Variants in PPFIBP1 observed in about 807,000 individuals in gnomAD.
PPFIBP1 encodes PPFIB scaffold protein 1, also known as liprin-beta-1.
Under a neutral mutation model 137.8 loss-of-function variants are expected in PPFIBP1, and 112 were observed. That is an observed-to-expected ratio of 0.81 (90% CI 0.70 to 0.95). PPFIBP1 has a LOEUF of 0.95. PPFIBP1 is among the 40% of genes least tolerant of loss of function. PPFIBP1 has a pLI of 0.00. For missense variants in PPFIBP1, 1,083 were observed against 1,196.6 expected (o/e 0.91, Z 1.40); for synonymous variants, 378 against 417.3 (o/e 0.91, Z 1.15).
intron 2 of PPFIBP1, among the ~76,000 whole-genome samples, chr12:27,616,915 A>C (rs138858001): frequency 0.022 from 3,409 of 152,298 alleles, 324 homozygotes; most frequent in Admixed American, 0.17. Flanking sequence ...GAAATGTGAC[A>C]GGGAGGGAAC....
intron 27 of PPFIBP1, among the ~76,000 whole-genome samples, chr12:27,689,541 A>C (rs1327790756): frequency 6.6e-6 from 1 of 152,184 alleles, no homozygotes; most frequent in Non-Finnish European, 1.5e-5. Flanking sequence ...CCAAAAACCA[A>C]GGCACAGCGG....
intron 13 of PPFIBP1, among the ~76,000 whole-genome samples, chr12:27,669,187 C>G (rs4931247): frequency 0.8 from 121,688 of 152,162 alleles, 48,970 homozygotes; most frequent in East Asian, 0.9. Context: ...AATTTGAATG[C>G]AATGAAAATG....
intron 1 of PPFIBP1, among the ~76,000 whole-genome samples, chr12:27,524,699 T>C (rs1347662568): frequency 6.6e-6 from 1 of 152,064 alleles, no homozygotes; most frequent in East Asian, 1.9e-4. Context: ...CTGTGTGTAT[T>C]GAGGCATTTA....
At chr12:27,657,384 A>G (rs2059270761) in intron 9 of PPFIBP1, among the ~76,000 whole-genome samples, 1 of 151,848 alleles carries the variant, frequency 6.6e-6, no homozygotes, top group African/African-American at 2.4e-5. Context: ...ATTTGGAAAT[A>G]TAATGTGCAT....
chr12:27,563,120 A>G (rs961166929), intron 1 of PPFIBP1, among the ~76,000 whole-genome samples: 1 of 151,390 alleles, frequency 6.6e-6, no homozygotes, highest in South Asian at 2.1e-4. Flanking sequence ...GGTGGGCCGT[A>G]TGTAAATAAT....
intron 4 of PPFIBP1, among the ~76,000 whole-genome samples, chr12:27,640,594 C>T (rs1264632324): frequency 7.0e-6 from 1 of 142,300 alleles, no homozygotes; most frequent in African/African-American, 2.5e-5. Context: ...CGCCCCCCAC[C>T]CCCGGGTTGC....
chr12:27,559,433 C>T (rs1592461062), intron 1 of PPFIBP1, among the ~76,000 whole-genome samples: 1 of 152,192 alleles, frequency 6.6e-6, no homozygotes, highest in Non-Finnish European at 1.5e-5. Flanking sequence ...TCCCAAAGTG[C>T]TGGGATTACA....
At chr12:27,590,287 G>A (rs781477015) in intron 2 of PPFIBP1, among the ~76,000 whole-genome samples, 6 of 151,676 alleles carry the variant, frequency 4.0e-5, no homozygotes, top group African/African-American at 1.5e-4. Context: ...ATGATCCTCC[G>A]GCCTCAGCCT....
intron 22 of PPFIBP1, 126 bp downstream of exon 22, chr12:27,681,822 G>T: frequency 8.9e-7 from 1 of 1,119,300 alleles, no homozygotes; most frequent in Non-Finnish European, 1.2e-6. Flanking sequence ...ACAAAAGTTT[G>T]GGTTTTCAAT....
chr12:27,682,739 A>T, intron 24 of PPFIBP1, 36 bp downstream of exon 24: 1 of 1,612,696 alleles, frequency 6.2e-7, no homozygotes, highest in South Asian at 1.1e-5. Flanking sequence ...GGGGAGGAAA[A>T]CTTTTTTTCT....
chr12:27,576,492 T>A (rs1392324589), intron 1 of PPFIBP1, among the ~76,000 whole-genome samples: 1 of 152,114 alleles, frequency 6.6e-6, no homozygotes, highest in Non-Finnish European at 1.5e-5. Flanking sequence ...CTCATGGAAG[T>A]GTAGGTGCCC....
chr12:27,620,373 A>G (rs4930865), intron 2 of PPFIBP1, among the ~76,000 whole-genome samples: 67,348 of 152,032 alleles, frequency 0.44, 16,184 homozygotes, highest in Non-Finnish European at 0.53. Flanking sequence ...CCGGCCCACT[A>G]ACCTCAAACA....
intron 2 of PPFIBP1, among the ~76,000 whole-genome samples, chr12:27,618,557 C>A (rs2056016741): frequency 6.6e-6 from 1 of 152,184 alleles, no homozygotes; most frequent in African/African-American, 2.4e-5. Flanking sequence ...AACCAATTGC[C>A]AATCAGAAAT....
At chr12:27,691,447 C>A (rs898076322) in intron 27 of PPFIBP1, among the ~76,000 whole-genome samples, 3 of 152,000 alleles carry the variant, frequency 2.0e-5, no homozygotes, top group African/African-American at 7.3e-5. Flanking sequence ...ATTATTCTTG[C>A]CATATTTTGT....
intron 13 of PPFIBP1, among the ~76,000 whole-genome samples, chr12:27,669,090 T>C (rs2060029877): frequency 6.6e-6 from 1 of 152,238 alleles, no homozygotes; most frequent in African/African-American, 2.4e-5. Flanking sequence ...ATTTCTCTTC[T>C]CACATTTTAC....
chr12:27,605,976 A>G (rs1388684157), intron 2 of PPFIBP1, among the ~76,000 whole-genome samples: 1 of 152,196 alleles, frequency 6.6e-6, no homozygotes, highest in Non-Finnish European at 1.5e-5. Context: ...AGTAATTTTC[A>G]TAGACTTCAT....
rs1475410513 is a variant in PPFIBP1 at position 27,647,798 on chromosome 12, G to A, written c.427G>A (p.Glu143Lys). The change falls in exon 6 of 30, where the codon GAG becomes AAG. Residue 143 changes from glutamate to lysine, a missense_variant. Transcript: ENST00000228425. The stretch of plus-strand genomic sequence containing the variant: ...TCGAGATTTGGAGTTTTGTCTTGAA[G>A]AGCACAGAGAGAAGGTGAATGCCAC... ...KIRDLEFCLE[E>K]HREKVNATEE... is the part of the protein sequence containing the mutation. 8.7e-6 allele frequency: 14 copies of A among 1,612,048 alleles called. No individual in the cohort carries two copies. The highest frequency in any genetic ancestry group is 1.7e-5 in the Admixed American group (1 of 59,662).
intron 2 of PPFIBP1, among the ~76,000 whole-genome samples, chr12:27,628,415 G>T (rs2057009118): frequency 6.6e-6 from 1 of 152,170 alleles, no homozygotes; most frequent in Non-Finnish European, 1.5e-5. Context: ...CTGGGCTCTA[G>T]CGACCCTCCT....
At chr12:27,651,298 G>A (rs547769203) in intron 7 of PPFIBP1, among the ~76,000 whole-genome samples, 15 of 150,312 alleles carry the variant, frequency 1.0e-4, no homozygotes, top group African/African-American at 3.4e-4. Flanking sequence ...TAAGAGATAG[G>A]ATCTTACTGT....
Sources: allele counts gnomAD v4.1 joint callset (sites outside exome capture counted in the v4.1 genomes callset), GRCh38; gene constraint gnomAD v4.1.1; transcripts MANE v1.5; gene names NCBI Gene and HGNC (gene_info 2026-07-23, HGNC 2026-07-21).